KHDRBS2: variants seen among roughly 807,000 people sequenced by gnomAD.
KHDRBS2 encodes KH domain-containing, RNA-binding, signal transduction-associated protein 2.
Under a neutral mutation model 44.3 loss-of-function variants are expected in KHDRBS2, and 26 were observed. The ratio of observed to expected loss-of-function variants is 0.59; its 90% CI spans 0.43 to 0.81. KHDRBS2 has a LOEUF of 0.81. Among genes scored for constraint, KHDRBS2 ranks in the 40% least tolerant of loss-of-function variants. The pLI is 0.00. For synonymous variants in KHDRBS2, 194 were observed against 151.1 expected (o/e 1.28, Z -2.08); for missense variants, 476 against 433.1 (o/e 1.10, Z -0.88).
At chr6:61,774,044 T>C (rs1651419410) in intron 6 of KHDRBS2, among the ~76,000 whole-genome samples, 1 of 152,242 alleles carries the variant, frequency 6.6e-6, no homozygotes, top group Non-Finnish European at 1.5e-5. Flanking sequence ...TTGGTTACTG[T>C]AGCCTTGTAG....
intron 6 of KHDRBS2, among the ~76,000 whole-genome samples, chr6:61,812,750 C>T (rs1356351676): frequency 6.6e-6 from 1 of 151,980 alleles, no homozygotes; most frequent in East Asian, 1.9e-4. Flanking sequence ...AATGTGGTAA[C>T]ATTCCTTACA....
In KHDRBS2 at chr6:61,897,695, C is replaced by A. The variant is rs543464405; in HGVS notation, c.612-2862G>T. ...TCTCATTGGCTCCCCTGCCATAAGACGGTTTCTCTGTCTCTGTCTCTCTCT... is the reference window on the plus strand; with the variant it reads ...TCTCATTGGCTCCCCTGCCATAAGAAGGTTTCTCTGTCTCTGTCTCTCTCT... On this transcript the variant is annotated intron_variant, in intron 5 of 8. Coordinates refer to ENST00000281156, the MANE Select transcript of KHDRBS2 (RefSeq NM_152688.4). 2.7e-5 allele frequency among the ~76,000 whole-genome samples: 4 copies of A among 147,914 alleles called. No homozygotes were observed. The South Asian group carries it at 6.6e-4, about 25-fold the overall frequency.
intron 6 of KHDRBS2, among the ~76,000 whole-genome samples, chr6:61,779,743 C>T (rs1782649811): frequency 6.6e-6 from 1 of 152,042 alleles, no homozygotes; most frequent in African/African-American, 2.4e-5. Flanking sequence ...AGGCATTGTG[C>T]TACATTTTTT....
At chr6:61,560,877 G>A in the KHDRBS2 span, among the ~76,000 whole-genome samples, 1 of 152,126 alleles carries the variant, frequency 6.6e-6, no homozygotes, top group African/African-American at 2.4e-5. Context: ...GCTAGTACAT[G>A]TTCTTCAGTG....
chr6:61,585,333 A>G, the KHDRBS2 span, among the ~76,000 whole-genome samples: 1 of 152,098 alleles, frequency 6.6e-6, no homozygotes, highest in African/African-American at 2.4e-5. Flanking sequence ...GCCTTCATCC[A>G]GTGATGAAAG....
At chr6:62,226,960 T>C (rs1831954046) in intron 1 of KHDRBS2, among the ~76,000 whole-genome samples, 1 of 152,242 alleles carries the variant, frequency 6.6e-6, no homozygotes, top group African/African-American at 2.4e-5. Flanking sequence ...GATAGCATGA[T>C]GACTCCAGCT....
intron 1 of KHDRBS2, among the ~76,000 whole-genome samples, chr6:62,246,725 T>C (rs996431384): frequency 6.6e-6 from 1 of 152,046 alleles, no homozygotes; most frequent in African/African-American, 2.4e-5. Flanking sequence ...TAGTGATTTC[T>C]GATATTAAGA....
At chr6:62,245,052 T>C (rs1008027850) in intron 1 of KHDRBS2, among the ~76,000 whole-genome samples, 1 of 152,038 alleles carries the variant, frequency 6.6e-6, no homozygotes, top group Non-Finnish European at 1.5e-5. Context: ...CCCTATATAC[T>C]AGAAAACTGA....
At chr6:61,787,715 A>G (rs879810450) in intron 6 of KHDRBS2, among the ~76,000 whole-genome samples, 3 of 151,706 alleles carry the variant, frequency 2.0e-5, no homozygotes, top group Non-Finnish European at 4.4e-5. Context: ...CAATTTGAGT[A>G]ATTGCATATT....
intron 7 of KHDRBS2, among the ~76,000 whole-genome samples, chr6:61,711,325 T>C (rs1236045139): frequency 6.6e-6 from 1 of 151,740 alleles, no homozygotes; most frequent in Non-Finnish European, 1.5e-5. Flanking sequence ...TGAATAAAAA[T>C]GATAAATATA....
intron 6 of KHDRBS2, among the ~76,000 whole-genome samples, chr6:61,756,728 G>A (rs1371083413): frequency 6.6e-6 from 1 of 152,196 alleles, no homozygotes; most frequent in African/African-American, 2.4e-5. Flanking sequence ...CATTTTTCAA[G>A]TGTACAATTT....
the KHDRBS2 span, among the ~76,000 whole-genome samples, chr6:61,563,185 T>G: frequency 2.0e-5 from 3 of 152,146 alleles, no homozygotes; most frequent in Non-Finnish European, 4.4e-5. Flanking sequence ...TTTAGTGTTT[T>G]CAGGTTTGGT....
At chr6:61,741,735 G>A (rs1034077411) in intron 6 of KHDRBS2, among the ~76,000 whole-genome samples, 2 of 151,820 alleles carry the variant, frequency 1.3e-5, no homozygotes, top group African/African-American at 4.8e-5. Flanking sequence ...AAATTGACAT[G>A]TTTTTGTCAA....
intron 2 of KHDRBS2, among the ~76,000 whole-genome samples, chr6:62,124,149 A>T (rs1208138244): frequency 1.3e-5 from 2 of 152,158 alleles, no homozygotes; most frequent in Non-Finnish European, 2.9e-5. Context: ...ACCCCCAGGG[A>T]TCTGAGCATA....
chr6:61,551,121 G>A, the KHDRBS2 span, among the ~76,000 whole-genome samples: 1 of 152,088 alleles, frequency 6.6e-6, no homozygotes, highest in Non-Finnish European at 1.5e-5. Flanking sequence ...TTAATGGTTA[G>A]TGATAAGCAC....
intron 6 of KHDRBS2, among the ~76,000 whole-genome samples, chr6:61,780,680 A>C (rs1782798064): frequency 6.6e-6 from 1 of 152,224 alleles, no homozygotes; most frequent in Non-Finnish European, 1.5e-5. Context: ...TGGCTTTCTA[A>C]TAATTTCTTT....
Position 61,746,929 on chromosome 6 carries a change from G to C in KHDRBS2, c.811-14165C>G, listed in dbSNP as rs373002384. Among the ~76,000 whole-genome samples the C allele has an allele frequency of 1.5e-4, 23 of 151,916 alleles. No individual in the cohort carries two copies. In the South Asian group the frequency reaches 4.6e-3, roughly 30 times the overall value. On this transcript the variant is annotated intron_variant, in intron 6 of 8. Coordinates refer to ENST00000281156, the MANE Select transcript of KHDRBS2 (RefSeq NM_152688.4). ...TGCACAGCAAAAGAAACTACCATCA[G>C]AGTGAACAGGCAACCTACAGAATGG...
the KHDRBS2 span, among the ~76,000 whole-genome samples, chr6:61,661,123 G>C: frequency 7.2e-5 from 11 of 151,736 alleles, no homozygotes; most frequent in Middle Eastern, 3.4e-3. Context: ...GTTTCTCACT[G>C]GTTTGACATT....
At chr6:62,060,512 T>C (rs937621246) in intron 2 of KHDRBS2, among the ~76,000 whole-genome samples, 1 of 151,720 alleles carries the variant, frequency 6.6e-6, no homozygotes. Flanking sequence ...GGAAAAATGA[T>C]GATTCTAGGC....
Sources: allele counts gnomAD v4.1 joint callset (sites outside exome capture counted in the v4.1 genomes callset), GRCh38; gene constraint gnomAD v4.1.1; transcripts MANE v1.5; gene names NCBI Gene and HGNC (gene_info 2026-07-23, HGNC 2026-07-21).